The following UVSSA variants were observed in gnomAD, a reference collection of about 807,000 sequenced individuals.
The protein encoded by UVSSA is UV stimulated scaffold protein A, also known as UV-stimulated scaffold protein A.
In UVSSA, 72 loss-of-function variants were observed where a neutral mutation model predicts 73.9. The observed-to-expected ratio is 0.97, with a 90% CI of 0.81 to 1.19. The LOEUF is 1.19. Ranked by LOEUF, UVSSA falls within the 50% of genes most tolerant of loss-of-function variation. The pLI is 0.00. For missense variants in UVSSA, 1,150 were observed against 965.0 expected, an observed-to-expected ratio of 1.19 and a Z score of -2.54; for synonymous variants, 454 against 391.3, an observed-to-expected ratio of 1.16 and a Z score of -1.89.
chr4:1,347,852 T>G, intron 1 of UVSSA, 92 bp downstream of exon 1: 1 of 498,210 alleles, frequency 2.0e-6, no homozygotes, highest in Non-Finnish European at 3.6e-6. Context: ...CAATGCAGCG[T>G]CCCACACACG....
chr4:1,384,298 C>A, intron 13 of UVSSA: 1 of 272,706 alleles, frequency 3.7e-6, no homozygotes, highest in Non-Finnish European at 7.0e-6. Context: ...CAGGTCAGTG[C>A]CTGCGTATTT....
intron 3 of UVSSA, among the ~76,000 whole-genome samples, chr4:1,350,746 A>C (rs1192517900): frequency 6.7e-6 from 1 of 149,410 alleles, no homozygotes; most frequent in Non-Finnish European, 1.5e-5. Flanking sequence ...CCTTGGTAAC[A>C]CAGCAAGACC....
At chr4:1,375,875 T>G (rs1490065082) in intron 9 of UVSSA, among the ~76,000 whole-genome samples, 159 bp from the exon 10 acceptor site, 1 of 152,240 alleles carries the variant, frequency 6.6e-6, no homozygotes, top group African/African-American at 2.4e-5. Context: ...TCACAGGACC[T>G]CAGCGGTGGC....
chr4:1,386,551 T>C lies in UVSSA; in HGVS notation c.*590T>C, dbSNP rs1298482922. 1 of 153,128 alleles carries C rather than the reference T, an allele frequency of 6.5e-6. No homozygotes were observed. Among genetic ancestry groups the C allele is most frequent in the Non-Finnish European group, 1.5e-5 (1 of 68,684 alleles). 9.5% of individuals were successfully genotyped at this position (153,128 alleles called of 1,614,324 possible). On this transcript the variant is annotated 3_prime_UTR_variant, in exon 14 of 14. Coordinates refer to ENST00000389851, the MANE Select transcript of UVSSA (RefSeq NM_020894.4). Reference sequence around the variant, plus strand: ...GTATAAAACAAAGGAGGTGAAAACCTGTCCATGCGGAAGCTTGTGCACCCA... The same window carrying C: ...GTATAAAACAAAGGAGGTGAAAACCCGTCCATGCGGAAGCTTGTGCACCCA...
upstream of UVSSA, among the ~76,000 whole-genome samples, chr4:1,343,550 C>A (rs1713506121): frequency 6.6e-6 from 1 of 152,054 alleles, no homozygotes; most frequent in South Asian, 2.1e-4. Flanking sequence ...AAGGTATTGC[C>A]ACCTCCAGGA....
intron 7 of UVSSA, chr4:1,357,833 C>G (rs1716012744): frequency 2.6e-5 from 4 of 152,334 alleles, no homozygotes; most frequent in African/African-American, 4.8e-5. Flanking sequence ...CTCAGGGATG[C>G]TATATTCAGG....
At chr4:1,357,601 T>C (rs1208059852) in intron 7 of UVSSA, among the ~76,000 whole-genome samples, 1 of 152,242 alleles carries the variant, frequency 6.6e-6, no homozygotes, top group Non-Finnish European at 1.5e-5. Flanking sequence ...CAGCGAGGCC[T>C]GCAGGCTCCC....
At position 1,351,766 on chromosome 4, in the gene UVSSA, G is replaced by A. The variant is rs781124970; in HGVS notation, c.481G>A (p.Glu161Lys). The A allele has an allele frequency of 2.5e-6, 4 of 1,613,686 alleles. No homozygotes were observed. Among genetic ancestry groups the A allele is most frequent in the South Asian group, 2.2e-5 (2 of 91,088 alleles). The change falls in exon 4 of 14, where the codon GAG (glutamate) becomes AAG (lysine). Residue 161 changes from glutamate to lysine, a missense_variant. Coordinates refer to ENST00000389851, the MANE Select transcript of UVSSA (RefSeq NM_020894.4). The part of the protein sequence containing the change: ...ARSLAERKRE[E>K]EKQKHLDKIY... ...GAGTCTGGCAGAAAGGAAGAGAGAA[G>A]AGGAGAAGCAGAAGCACTTGGATAA...
At chr4:1,380,684 C>G (rs377446008) in intron 11 of UVSSA, 196 bp from the exon 12 acceptor site, 4 of 1,539,938 alleles carry the variant, frequency 2.6e-6, no homozygotes, top group Non-Finnish European at 3.5e-6. Flanking sequence ...AGAGGAGGGA[C>G]GGAGCCATCC....
intron 5 of UVSSA, 180 bp from the exon 6 acceptor site, chr4:1,354,555 T>C (rs965530894): frequency 4.0e-5 from 24 of 605,326 alleles, no homozygotes; most frequent in Middle Eastern, 8.7e-4. Context: ...AGTGTTCTTT[T>C]CTAAGATAAT....
intron 3 of UVSSA, among the ~76,000 whole-genome samples, chr4:1,351,044 TAC>T (rs1239490321): frequency 6.6e-5 from 10 of 152,036 alleles, no homozygotes; most frequent in Middle Eastern, 3.2e-3. Flanking sequence ...TAGCTGGGAC[TAC>T]AGGCACACGC....
At chr4:1,375,238 C>G in intron 8 of UVSSA, 126 bp from the exon 9 acceptor site, 1 of 1,469,790 alleles carries the variant, frequency 6.8e-7, no homozygotes, top group Non-Finnish European at 9.2e-7. Context: ...TAGCAGGCAC[C>G]CACCTCGGGA....
chr4:1,376,152 G>A lies in UVSSA; in HGVS notation c.1552G>A (p.Ala518Thr). The A allele has an allele frequency of 1.2e-6, 2 of 1,610,240 alleles. No individual in the cohort carries two copies. Among genetic ancestry groups the A allele is most frequent in the Non-Finnish European group, 1.7e-6 (2 of 1,178,550 alleles). Residue 518 changes from alanine (A) to threonine (T), a missense_variant, in exon 10 of 14, where the codon GCC becomes ACC. By Grantham distance (58) the Ala-to-Thr change is moderately conservative (BLOSUM62 0). Transcript: ENST00000389851. ...LHYWGQELPT[A>T]GKIVKSDSQH... ...CTACTGGGGCCAGGAGCTCCCCACA[G>A]CCGGGAAGATTGTCAAGTGAGTCCC...
At position 1,367,981 on chromosome 4, in the gene UVSSA, G is replaced by T. The variant is rs775542169; in HGVS notation, c.1288+1550G>T. 1.5e-3 allele frequency among the ~76,000 whole-genome samples: 224 copies of T among 152,270 alleles called. 7 individuals are homozygous for T. The highest frequency in any genetic ancestry group is 6.2e-4 in the Non-Finnish European group (42 of 68,052). On this transcript the variant is annotated intron_variant, in intron 8 of 13. Transcript: ENST00000389851. ...GGGGTGCCTGAGCACACCGTTGGCCGCTGCAATCTCCTTCATGGCTCTTGG... is the reference window on the plus strand; with the variant it reads ...GGGGTGCCTGAGCACACCGTTGGCCTCTGCAATCTCCTTCATGGCTCTTGG...
intron 8 of UVSSA, 23 bp from the exon 9 acceptor site, chr4:1,375,341 G>C (rs1187806432): frequency 8.1e-6 from 13 of 1,611,698 alleles, no homozygotes; most frequent in Non-Finnish European, 8.5e-6. Flanking sequence ...TGGTGGCAGG[G>C]AGTGGACACG....
At chr4:1,351,956 T>A (rs1577286802) in intron 4 of UVSSA, 121 bp downstream of exon 4, 1 of 1,465,020 alleles carries the variant, frequency 6.8e-7, no homozygotes, top group African/African-American at 1.4e-5. Flanking sequence ...ACAGGCTAGG[T>A]GGAGAGGATT....
chr4:1,354,088 C>G (rs1050708537), intron 5 of UVSSA, among the ~76,000 whole-genome samples: 2 of 152,230 alleles, frequency 1.3e-5, no homozygotes, highest in African/African-American at 2.4e-5. Flanking sequence ...CAGCAGGTGT[C>G]CCTTCACCAG....
At position 1,351,818 on chromosome 4, in the gene UVSSA, C is replaced by T. The variant is rs373828028; in HGVS notation, c.533C>T (p.Ala178Val). The change falls in exon 4 of 14, where the codon GCG becomes GTG. Residue 178 changes from alanine (A) to valine (V), a missense_variant. Physicochemically the swap from Ala to Val is moderately conservative, Grantham distance 64. Coordinates refer to ENST00000389851, the MANE Select transcript of UVSSA (RefSeq NM_020894.4). ...ATTTATCAAGAAAGAGCCAGCCAGG[C>T]GGAGAGGGAGATGCAAGGCAAGTGT... ...DKIYQERASQAEREMQEMSGE... is the reference protein window; with the variant it reads ...DKIYQERASQVEREMQEMSGE... 1.1e-4 allele frequency: 172 copies of T among 1,613,398 alleles called. 4 individuals carry two copies. The South Asian group carries it at 1.3e-3, about 12-fold the overall frequency.
intron 8 of UVSSA, among the ~76,000 whole-genome samples, chr4:1,374,600 C>A (rs1718523998): frequency 6.6e-6 from 1 of 152,222 alleles, no homozygotes; most frequent in Non-Finnish European, 1.5e-5. Context: ...GCGCCATGGC[C>A]TTGTCTTGCT....
Sources: allele counts gnomAD v4.1 joint callset (sites outside exome capture counted in the v4.1 genomes callset), GRCh38; gene constraint gnomAD v4.1.1; transcripts MANE v1.5; gene names NCBI Gene and HGNC (gene_info 2026-07-23, HGNC 2026-07-21).